Variants in CNTN4 observed in about 807,000 individuals in gnomAD.
CNTN4 encodes the protein contactin-4.
A neutral mutation model predicts 122.5 loss-of-function variants in CNTN4; 77 were observed. That is an observed-to-expected ratio of 0.63 (90% CI 0.52 to 0.76). The LOEUF is 0.76. CNTN4 is among the 30% of genes least tolerant of loss of function. CNTN4 has a pLI of 0.00. For synonymous variants in CNTN4, 512 were observed against 447.0 expected (o/e 1.15, Z -1.83); for missense variants, 1,256 against 1,259.1 (o/e 1.00, Z 0.04).
chr3:2,205,737 G>C (rs567789647), intron 2 of CNTN4, among the ~76,000 whole-genome samples: 1 of 151,924 alleles, frequency 6.6e-6, no homozygotes, highest in African/African-American at 2.4e-5. Context: ...AACCCAGAAC[G>C]AAGCTAGTAA....
At chr3:2,242,676 T>C (rs1214935010) in intron 2 of CNTN4, among the ~76,000 whole-genome samples, 1 of 152,156 alleles carries the variant, frequency 6.6e-6, no homozygotes, top group Admixed American at 6.5e-5. Flanking sequence ...TGTATCTATC[T>C]GTGGATACAA....
chr3:2,433,742 T>G (rs1190111889), intron 3 of CNTN4, among the ~76,000 whole-genome samples: 1 of 152,186 alleles, frequency 6.6e-6, no homozygotes, highest in East Asian at 1.9e-4. Flanking sequence ...TCTAGTAGTT[T>G]TGTAGTTTTC....
intron 4 of CNTN4, among the ~76,000 whole-genome samples, chr3:2,659,805 A>T (rs1290866516): frequency 1.3e-5 from 2 of 152,102 alleles, no homozygotes; most frequent in African/African-American, 4.8e-5. Context: ...TGATGTGGTG[A>T]TGTTTGAACT....
At chr3:2,971,663 A>C (rs1233833643) in intron 13 of CNTN4, among the ~76,000 whole-genome samples, 1 of 152,192 alleles carries the variant, frequency 6.6e-6, no homozygotes, top group Non-Finnish European at 1.5e-5. Flanking sequence ...TGTATTTTAA[A>C]AGTAAATTTT....
chr3:2,117,981 C>T (rs2033476843), intron 2 of CNTN4, among the ~76,000 whole-genome samples: 1 of 151,962 alleles, frequency 6.6e-6, no homozygotes, highest in Non-Finnish European at 1.5e-5. Context: ...ATAATAAAAA[C>T]TTTTTCTTAG....
rs553880969 is a variant in CNTN4 at position 2,268,167 on chromosome 3, G to A, written c.-144-71011G>A. Among the ~76,000 whole-genome samples, 26 of 152,178 alleles carry A rather than the reference G, an allele frequency of 1.7e-4. No individual in the cohort carries two copies. The East Asian group carries it at 1.9e-3, about 11-fold the overall frequency. ...TAAATGTGCATTTGCATAGCTGTTC[G>A]ATGATACAGGTAGGACTATTCTCTA... On this transcript the variant is annotated intron_variant, in intron 2 of 24. Coordinates refer to ENST00000418658, the MANE Select transcript of CNTN4 (RefSeq NM_175607.3).
chr3:2,880,053 C>T (rs910768681), intron 8 of CNTN4, among the ~76,000 whole-genome samples: 14 of 152,044 alleles, frequency 9.2e-5, no homozygotes, highest in South Asian at 2.1e-4. Context: ...GATTTTAGGA[C>T]GCGGAGATAA....
rs57240599 is a variant in CNTN4, at chr3:2,125,364, GTA to G, written c.-145+24728_-145+24729del. 4.7e-3 allele frequency among the ~76,000 whole-genome samples: 673 copies of G among 142,362 alleles called. 8 individuals are homozygous for G. Among genetic ancestry groups the G allele is most frequent in the African/African-American group, 0.016 (635 of 38,536 alleles). The allele number at this position is 142,362 out of a possible 152,430, so 93.4% of individuals were successfully genotyped here. ...TGTGTGTGTGTGTGTGTGTGTGTGTGTATAACATGCCACGTTTTCTTTATTCA... is the reference window on the plus strand; with the variant it reads ...TGTGTGTGTGTGTGTGTGTGTGTGTGTAACATGCCACGTTTTCTTTATTCA... On this transcript the variant is annotated intron_variant, in intron 2 of 24. Coordinates refer to ENST00000418658, the MANE Select transcript of CNTN4 (RefSeq NM_175607.3).
intron 15 of CNTN4, among the ~76,000 whole-genome samples, chr3:3,028,246 C>G (rs1215639513): frequency 1.3e-5 from 2 of 152,140 alleles, no homozygotes; most frequent in Non-Finnish European, 2.9e-5. Flanking sequence ...GTCAGGAACA[C>G]AACAGACTGC....
chr3:2,649,373 G>T (rs1326981134), intron 4 of CNTN4, among the ~76,000 whole-genome samples: 4 of 152,148 alleles, frequency 2.6e-5, no homozygotes, highest in Admixed American at 2.0e-4. Context: ...AATACAGCTG[G>T]TGACTTTAAG....
chr3:2,233,308 G>A (rs1438788531), intron 2 of CNTN4, among the ~76,000 whole-genome samples: 1 of 152,104 alleles, frequency 6.6e-6, no homozygotes, highest in Non-Finnish European at 1.5e-5. Context: ...TTTAATGTCA[G>A]TAGATGGCAT....
At chr3:2,520,760 G>C (rs983099756) in intron 3 of CNTN4, among the ~76,000 whole-genome samples, 1 of 151,954 alleles carries the variant, frequency 6.6e-6, no homozygotes, top group African/African-American at 2.4e-5. Context: ...AAGGAACAGA[G>C]AACACAGTGC....
intron 3 of CNTN4, among the ~76,000 whole-genome samples, chr3:2,567,287 C>T (rs760664080): frequency 1.8e-4 from 27 of 152,100 alleles, no homozygotes; most frequent in African/African-American, 5.1e-4. Context: ...GGGGTTTTGC[C>T]GTGTTAGCCA....
chr3:2,230,032 C>A (rs1458267428), intron 2 of CNTN4, among the ~76,000 whole-genome samples: 1 of 152,178 alleles, frequency 6.6e-6, no homozygotes, highest in African/African-American at 2.4e-5. Context: ...CTGAATGCTG[C>A]TACTGTGGTC....
At chr3:2,724,544 A>G (rs893126709) in intron 4 of CNTN4, among the ~76,000 whole-genome samples, 11 of 152,196 alleles carry the variant, frequency 7.2e-5, no homozygotes, top group Non-Finnish European at 1.6e-4. Context: ...GCTTCCTAGT[A>G]TATATATTGA....
chr3:2,244,421 T>A (rs188269363), intron 2 of CNTN4, among the ~76,000 whole-genome samples: 2 of 152,178 alleles, frequency 1.3e-5, no homozygotes, highest in Admixed American at 1.3e-4. Flanking sequence ...TACATGTGGC[T>A]ACTGGGAAAT....
chr3:2,882,360 C>T (rs1351725753), intron 8 of CNTN4, among the ~76,000 whole-genome samples: 11 of 147,954 alleles, frequency 7.4e-5, no homozygotes, highest in South Asian at 2.1e-4. Flanking sequence ...AGCGAGACTT[C>T]GTCTCGAAAA....
intron 3 of CNTN4, among the ~76,000 whole-genome samples, chr3:2,551,378 T>C (rs1283627076): frequency 6.6e-6 from 1 of 152,034 alleles, no homozygotes; most frequent in Admixed American, 6.6e-5. Flanking sequence ...ATGTGTGTAC[T>C]TGAGTGTATG....
At chr3:2,703,362 ACTAC>A (rs2086466626) in intron 4 of CNTN4, among the ~76,000 whole-genome samples, 1 of 152,212 alleles carries the variant, frequency 6.6e-6, no homozygotes, top group Non-Finnish European at 1.5e-5. Context: ...ATGGAAAAAA[ACTAC>A]CTAGCCTTTT....
Sources: allele counts gnomAD v4.1 joint callset (sites outside exome capture counted in the v4.1 genomes callset), GRCh38; gene constraint gnomAD v4.1.1; transcripts MANE v1.5; gene names NCBI Gene and HGNC (gene_info 2026-07-23, HGNC 2026-07-21).